The following SH3BGRL variants were observed in gnomAD, a reference collection of about 807,000 sequenced individuals.
The protein encoded by SH3BGRL is SH3 domain binding glutamate rich protein like.
SH3BGRL carries 7 observed loss-of-function variants against 9.8 expected under a neutral mutation model. That is an observed-to-expected ratio of 0.72 (90% confidence interval 0.41 to 1.35). SH3BGRL has a LOEUF of 1.35. Ranked by LOEUF, SH3BGRL falls within the 40% of genes most tolerant of loss-of-function variation. The pLI is 0.01. For synonymous variants in SH3BGRL, 36 were observed against 29.1 expected, an observed-to-expected ratio of 1.24 and a Z score of -0.76; for missense variants, 73 against 84.4, an observed-to-expected ratio of 0.86 and a Z score of 0.53.
At chrX:81,255,353 T>C (rs1371638546) in intron 1 of SH3BGRL, 1 of 111,918 alleles carries the variant, frequency 8.9e-6, no homozygotes, top group East Asian at 2.8e-4. Flanking sequence ...TGTCTCATTA[T>C]ATGAAGTTAA....
chrX:81,272,750 C>A (rs1194369870), intron 1 of SH3BGRL, among the ~76,000 whole-genome samples: 2 of 110,802 alleles, frequency 1.8e-5, no homozygotes, highest in Admixed American at 9.6e-5. Flanking sequence ...CCGCCCGCCT[C>A]GGCTTCCCAA....
In SH3BGRL at chrX:81,208,696, A is replaced by C. The variant is rs1182832097; in HGVS notation, c.45+6451A>C. Among the ~76,000 whole-genome samples, 3 of 111,972 alleles carry C rather than the reference A, an allele frequency of 2.7e-5. No homozygotes were observed. The South Asian group carries it at 1.1e-3, about 41-fold the overall frequency. On this transcript the variant is annotated intron_variant, in intron 1 of 3. Transcript: ENST00000373212. ...CTTCAATCCAGACCAAGGTTAAACAAAAGTACATTTAGAGAGACGAGGCGG... is the reference window on the plus strand; with the variant it reads ...CTTCAATCCAGACCAAGGTTAAACACAAGTACATTTAGAGAGACGAGGCGG...
At chrX:81,296,808 C>T (rs767689635) in intron 3 of SH3BGRL, among the ~76,000 whole-genome samples, 1 of 111,194 alleles carries the variant, frequency 9.0e-6, no homozygotes, top group Non-Finnish European at 1.9e-5. Context: ...AGCACATTTT[C>T]TAAGTAATTT....
chrX:81,255,038 C>T (rs762996186), intron 1 of SH3BGRL, among the ~76,000 whole-genome samples: 5 of 109,650 alleles, frequency 4.6e-5, no homozygotes, highest in African/African-American at 1.3e-4. Flanking sequence ...TACAGACGTG[C>T]GCCACCACAC....
At chrX:81,272,734 C>T (rs757540221) in intron 1 of SH3BGRL, among the ~76,000 whole-genome samples, 63 of 110,402 alleles carry the variant, frequency 5.7e-4, no homozygotes, top group Non-Finnish European at 2.3e-4. Flanking sequence ...CTCCTGACCT[C>T]GTTATCCGCC....
chrX:81,296,116 A>G (rs994613195), intron 3 of SH3BGRL, among the ~76,000 whole-genome samples: 1 of 111,713 alleles, frequency 9.0e-6, no homozygotes, highest in Admixed American at 9.5e-5. Flanking sequence ...ACTTACAATC[A>G]TGGCAAAGGG....
chrX:81,257,846 A>G (rs2075730095), intron 1 of SH3BGRL, among the ~76,000 whole-genome samples: 2 of 110,389 alleles, frequency 1.8e-5, no homozygotes, highest in Admixed American at 2.0e-4. Context: ...ACAATCTGTA[A>G]TTGTTCCACT....
At chrX:81,258,451 C>T (rs769011459) in intron 1 of SH3BGRL, among the ~76,000 whole-genome samples, 2 of 112,318 alleles carry the variant, frequency 1.8e-5, no homozygotes, top group South Asian at 7.3e-4. Context: ...ATTTCCATGG[C>T]TCTGGGTGCA....
chrX:81,240,783 C>T (rs769061220), intron 1 of SH3BGRL, among the ~76,000 whole-genome samples: 17 of 112,940 alleles, frequency 1.5e-4, no homozygotes, highest in Middle Eastern at 4.6e-3. Flanking sequence ...CATTACCTGA[C>T]TTCAAATTGA....
At chrX:81,261,336 G>A (rs1415379910) in intron 1 of SH3BGRL, among the ~76,000 whole-genome samples, 1 of 111,348 alleles carries the variant, frequency 9.0e-6, no homozygotes. Flanking sequence ...TATGCAAAGT[G>A]CCTGCTATAG....
At chrX:81,283,389 C>T (rs2075824197) in intron 3 of SH3BGRL, among the ~76,000 whole-genome samples, 1 of 111,327 alleles carries the variant, frequency 9.0e-6, no homozygotes, top group Non-Finnish European at 1.9e-5. Context: ...ACACCAATAT[C>T]CTTGATGAAC....
intron 3 of SH3BGRL, among the ~76,000 whole-genome samples, chrX:81,292,396 G>A (rs1282152682): frequency 1.8e-5 from 2 of 111,510 alleles, no homozygotes; most frequent in Non-Finnish European, 3.8e-5. Flanking sequence ...TAGCTGGAGT[G>A]GCTGGAACAT....
At chrX:81,270,266 G>A (rs1449354148) in intron 1 of SH3BGRL, among the ~76,000 whole-genome samples, 1 of 111,137 alleles carries the variant, frequency 9.0e-6, no homozygotes, top group Non-Finnish European at 1.9e-5. Context: ...TCCCTTGCTG[G>A]TGTGGAGTTG....
At chrX:81,212,308 G>T (rs932389257) in intron 1 of SH3BGRL, among the ~76,000 whole-genome samples, 10 of 111,430 alleles carry the variant, frequency 9.0e-5, no homozygotes, top group African/African-American at 3.3e-4. Flanking sequence ...GGACAATCAG[G>T]GTTGTTGGTG....
At chrX:81,283,200 CA>C (rs2075823607) in intron 3 of SH3BGRL, among the ~76,000 whole-genome samples, 1 of 111,278 alleles carries the variant, frequency 9.0e-6, no homozygotes, top group African/African-American at 3.3e-5. Flanking sequence ...CCAAAAAGTC[CA>C]GGATTAGCCT....
chrX:81,258,010 AG>A (rs2075730570), intron 1 of SH3BGRL, among the ~76,000 whole-genome samples: 1 of 111,657 alleles, frequency 9.0e-6, no homozygotes, highest in Admixed American at 9.5e-5. Flanking sequence ...GCAAGGTGCT[AG>A]GTACTCATGC....
At chrX:81,270,228 G>A (rs978466047) in intron 1 of SH3BGRL, among the ~76,000 whole-genome samples, 3 of 111,053 alleles carry the variant, frequency 2.7e-5, no homozygotes, top group Non-Finnish European at 5.7e-5. Flanking sequence ...CTGTCTCCTC[G>A]TCAAACTCAT....
chrX:81,269,567 G>A (rs2075770288), intron 1 of SH3BGRL, among the ~76,000 whole-genome samples: 1 of 111,747 alleles, frequency 8.9e-6, no homozygotes, highest in South Asian at 3.8e-4. Context: ...TGGCTTGTAG[G>A]GTTTCTGCTG....
chrX:81,221,679 T>G (rs1165731995), intron 1 of SH3BGRL, among the ~76,000 whole-genome samples: 4 of 112,038 alleles, frequency 3.6e-5, no homozygotes, highest in African/African-American at 1.3e-4. Flanking sequence ...AATTTTGTCC[T>G]AGCATCAAGG....
Sources: allele counts gnomAD v4.1 joint callset (sites outside exome capture counted in the v4.1 genomes callset), GRCh38; gene constraint gnomAD v4.1.1; transcripts MANE v1.5; gene names NCBI Gene and HGNC (gene_info 2026-07-23, HGNC 2026-07-21).